DIP2B: variants seen among roughly 807,000 people sequenced by gnomAD.
The protein encoded by DIP2B is DIP2 acetate--CoA ligase B (putative), also known as disco-interacting protein 2 homolog B.
A neutral mutation model predicts 198.0 loss-of-function variants in DIP2B; 76 were observed. The observed-to-expected ratio is 0.38, with a 90% CI of 0.32 to 0.46. The LOEUF is 0.46. Among genes scored for constraint, DIP2B ranks in the 20% least tolerant of loss-of-function variants. DIP2B has a pLI of 0.99. For synonymous variants in DIP2B, 701 were observed against 739.1 expected (o/e 0.95, Z 0.84); for missense variants, 1,559 against 1,978.4 (o/e 0.79, Z 4.02).
At chr12:50,565,774 A>G (rs1211566147) in intron 1 of DIP2B, among the ~76,000 whole-genome samples, 1 of 152,010 alleles carries the variant, frequency 6.6e-6, no homozygotes, top group East Asian at 1.9e-4. Context: ...AATTTCATCT[A>G]TTTTCTCAAG....
rs1376253482 is a variant in DIP2B, at chr12:50,745,197, C to CT, written c.*359dup. ...AATGAATTCACATGAAAGGGGTAGTCTGAGTGACACAGTTCCCCACTCCGT... is the reference window on the plus strand; with the variant it reads ...AATGAATTCACATGAAAGGGGTAGTCTTGAGTGACACAGTTCCCCACTCCGT... On this transcript the variant is annotated 3_prime_UTR_variant, in exon 38 of 38. Coordinates refer to ENST00000301180, the MANE Select transcript of DIP2B (RefSeq NM_173602.3). 1 of 279,776 alleles carries CT rather than the reference C, an allele frequency of 3.6e-6. No homozygotes were observed. The highest frequency in any genetic ancestry group is 2.2e-5 in the African/African-American group (1 of 45,368). 17.3% of individuals were successfully genotyped at this position (279,776 alleles called of 1,614,324 possible).
chr12:50,601,430 C>T (rs977535601), intron 1 of DIP2B, among the ~76,000 whole-genome samples: 2 of 151,756 alleles, frequency 1.3e-5, no homozygotes, highest in African/African-American at 2.4e-5. Flanking sequence ...CTGCAAGCTC[C>T]GCCTCCCAGG....
intron 1 of DIP2B, among the ~76,000 whole-genome samples, chr12:50,547,821 C>G (rs1958390718): frequency 6.6e-6 from 1 of 152,080 alleles, no homozygotes; most frequent in South Asian, 2.1e-4. Flanking sequence ...GTAATCTTAG[C>G]ACTTTGGAAG....
At chr12:50,742,644 C>A (rs1940272416) in intron 37 of DIP2B, among the ~76,000 whole-genome samples, 1 of 152,038 alleles carries the variant, frequency 6.6e-6, no homozygotes, top group African/African-American at 2.4e-5. Flanking sequence ...GCCTATAATC[C>A]CAGCACTTTG....
chr12:50,643,213 C>G (rs1466469686), intron 3 of DIP2B, among the ~76,000 whole-genome samples: 1 of 152,056 alleles, frequency 6.6e-6, no homozygotes, highest in Non-Finnish European at 1.5e-5. Flanking sequence ...AAATTTTGAG[C>G]TTCACCTGTT....
intron 4 of DIP2B, among the ~76,000 whole-genome samples, chr12:50,669,147 G>A (rs1304833690): frequency 6.6e-6 from 1 of 152,024 alleles, no homozygotes; most frequent in Non-Finnish European, 1.5e-5. Flanking sequence ...GAAACCCTTT[G>A]ATTACTCCCG....
intron 1 of DIP2B, among the ~76,000 whole-genome samples, chr12:50,534,926 A>G (rs1286449572): frequency 6.6e-6 from 1 of 152,170 alleles, no homozygotes; most frequent in African/African-American, 2.4e-5. Context: ...AGGAGATCCT[A>G]TTTTAAATTC....
chr12:50,686,529 C>T lies in DIP2B; in HGVS notation c.1442-44C>T, dbSNP rs76250893. ...GACCAGTTCAGTGTGAATTCATTCC[C>T]TGATGGCTTAGGCAATTCAATTTTC... is the stretch of plus-strand genomic sequence containing the variant. On this transcript the variant is annotated intron_variant, in intron 11 of 37. Transcript: ENST00000301180. 2.7e-4 allele frequency: 422 copies of T among 1,579,450 alleles called. 3 individuals are homozygous for T. The East Asian group carries it at 8.7e-3, about 32-fold the overall frequency.
intron 1 of DIP2B, among the ~76,000 whole-genome samples, chr12:50,583,071 A>C (rs1958739663): frequency 6.6e-6 from 1 of 152,244 alleles, no homozygotes; most frequent in African/African-American, 2.4e-5. Context: ...AAGTGTTAGT[A>C]GGATTCCATG....
chr12:50,598,608 T>C (rs1272922077), intron 1 of DIP2B, among the ~76,000 whole-genome samples: 1 of 151,806 alleles, frequency 6.6e-6, no homozygotes, highest in Admixed American at 6.6e-5. Context: ...AGCAGCCTGC[T>C]CTCCTTTCTC....
intron 1 of DIP2B, among the ~76,000 whole-genome samples, chr12:50,596,938 A>AG (rs1958883665): frequency 6.6e-6 from 1 of 152,236 alleles, no homozygotes; most frequent in South Asian, 2.1e-4. Flanking sequence ...CTTTAAATGT[A>AG]GTCAGATATT....
At chr12:50,723,987 G>A (rs1939886848) in intron 27 of DIP2B, among the ~76,000 whole-genome samples, 1 of 152,220 alleles carries the variant, frequency 6.6e-6, no homozygotes, top group African/African-American at 2.4e-5. Flanking sequence ...AGATAAGTGT[G>A]TATTGCATGA....
intron 1 of DIP2B, among the ~76,000 whole-genome samples, chr12:50,557,998 G>A (rs1037001105): frequency 6.6e-6 from 1 of 151,892 alleles, no homozygotes; most frequent in Admixed American, 6.6e-5. Flanking sequence ...CAAAAAATAA[G>A]GAAAATACAT....
chr12:50,740,781 T>C (rs1004072499), intron 36 of DIP2B, among the ~76,000 whole-genome samples: 1 of 152,204 alleles, frequency 6.6e-6, no homozygotes, highest in African/African-American at 2.4e-5. Context: ...CTCCTTCTTA[T>C]ATGTGTATTC....
intron 1 of DIP2B, among the ~76,000 whole-genome samples, chr12:50,599,097 C>T (rs1358886636): frequency 1.1e-4 from 16 of 142,310 alleles, no homozygotes; most frequent in African/African-American, 4.2e-4. Flanking sequence ...CAAGACCAGC[C>T]TGGGCGACAT....
intron 5 of DIP2B, among the ~76,000 whole-genome samples, chr12:50,673,611 A>G (rs1263961775): frequency 6.6e-6 from 1 of 151,834 alleles, no homozygotes; most frequent in Non-Finnish European, 1.5e-5. Flanking sequence ...GCATGGCAAG[A>G]CTCCATCTCT....
chr12:50,701,074 A>ATATTT (rs1433548101), intron 19 of DIP2B, among the ~76,000 whole-genome samples: 1 of 152,204 alleles, frequency 6.6e-6, no homozygotes, highest in Admixed American at 6.5e-5. Flanking sequence ...GAAGATACTG[A>ATATTT]TATTTTATTT....
intron 5 of DIP2B, among the ~76,000 whole-genome samples, chr12:50,672,515 A>T (rs1021229093): frequency 3.9e-5 from 6 of 152,234 alleles, no homozygotes. Flanking sequence ...CCTAATACCC[A>T]GTTAACTTTT....
intron 1 of DIP2B, among the ~76,000 whole-genome samples, chr12:50,509,620 G>C (rs1399898555): frequency 6.6e-6 from 1 of 152,240 alleles, no homozygotes; most frequent in Non-Finnish European, 1.5e-5. Context: ...AGGGATAAGA[G>C]AAGACTGCTT....
Sources: gnomAD v4.1 joint callset for allele counts (sites outside exome capture counted in the v4.1 genomes callset) on GRCh38, gnomAD v4.1.1 for gene constraint, MANE v1.5 for transcripts, NCBI Gene and HGNC (gene_info 2026-07-23, HGNC 2026-07-21) for gene names.